Variants in CDC42BPG observed in about 807,000 individuals in gnomAD.
The protein encoded by CDC42BPG is CDC42 binding protein kinase gamma.
CDC42BPG carries 157 observed loss-of-function variants against 192.2 expected under a neutral mutation model. The ratio of observed to expected loss-of-function variants is 0.82; its 90% confidence interval spans 0.72 to 0.93. The LOEUF (loss-of-function observed/expected upper bound fraction) is 0.93, where lower values mean the gene tolerates loss of function less well. Ranked by LOEUF, CDC42BPG falls within the 40% of genes least tolerant of loss-of-function variation. The probability of loss-of-function intolerance (pLI) is 0.00; values close to 1 mark genes in which losing one functional copy is unlikely to be tolerated. For synonymous variants in CDC42BPG, 981 were observed against 918.5 expected (o/e 1.07, Z -1.23); for missense variants, 1,992 against 2,122.1 (o/e 0.94, Z 1.20).
At position 64,826,463 on chromosome 11, in the gene CDC42BPG, C is replaced by G. The variant is rs1196354340; in HGVS notation, c.4599+7G>C. ...AGGGGACGGACAAGCCTCCCGGACCCGCTCACCTGCATTAGGGAGGTTGCA... is the reference window on the plus strand; with the variant it reads ...AGGGGACGGACAAGCCTCCCGGACCGGCTCACCTGCATTAGGGAGGTTGCA... On this transcript the variant is annotated splice_region_variant and intron_variant, in intron 36 of 36. Transcript: ENST00000342711. 6.3e-7 allele frequency: 1 copy of G among 1,587,070 alleles called. No individual in the cohort carries two copies. The highest frequency in any genetic ancestry group is 1.8e-5 in the Admixed American group (1 of 56,228).
intron 9 of CDC42BPG, 27 bp from the exon 10 acceptor site, chr11:64,837,046 T>C (rs1297576196): frequency 6.3e-7 from 1 of 1,575,802 alleles, no homozygotes; most frequent in Admixed American, 1.7e-5. Flanking sequence ...GCCATGTTTG[T>C]TGGTAGAAAC....
intron 8 of CDC42BPG, 134 bp downstream of exon 8, chr11:64,838,520 G>A: frequency 8.1e-7 from 1 of 1,240,350 alleles, no homozygotes; most frequent in Admixed American, 2.0e-5. Flanking sequence ...GTCAGTCTGG[G>A]AGTCCATAAA....
chr11:64,834,972 G>A lies in CDC42BPG; in HGVS notation c.2061-9C>T, dbSNP rs760144695. On this transcript the variant is annotated splice_polypyrimidine_tract_variant and intron_variant, in intron 17 of 36. Coordinates refer to ENST00000342711, the MANE Select transcript of CDC42BPG (RefSeq NM_017525.3). ...CCTTCTCATCATTCACCCTGAATGG[G>A]AAGGGGCTCAGGGTCATGGGCTGGG... 1.9e-6 allele frequency: 3 copies of A among 1,613,572 alleles called. No homozygotes were observed. Among genetic ancestry groups the A allele is most frequent in the Non-Finnish European group, 2.5e-6 (3 of 1,179,710 alleles).
rs561793354 is a variant in CDC42BPG at position 64,834,597 on chromosome 11, C to T, written c.2176-20G>A. 2.9e-5 allele frequency: 44 copies of T among 1,531,920 alleles called. No individual in the cohort carries two copies. The highest frequency in any genetic ancestry group is 2.2e-4 in the South Asian group (18 of 80,030). 94.9% of individuals were successfully genotyped at this position (1,531,920 alleles called of 1,614,324 possible). On this transcript the variant is annotated intron_variant, in intron 18 of 36. Coordinates refer to ENST00000342711, the MANE Select transcript of CDC42BPG (RefSeq NM_017525.3). ...GTGGTCCTGGTGGCCACGGAGCACC[C>T]GTATAAGATGCTTTCTAGGCCTGGC...
rs758820833 is a variant in CDC42BPG at position 64,829,470 on chromosome 11, C to T, written c.3967+1G>A. ...CCTGCCAAGCCCTCAGCAGGCCTTACCCCAGCCCATGGGCGCTGCTGGCCA... is the reference window on the plus strand; with the variant it reads ...CCTGCCAAGCCCTCAGCAGGCCTTATCCCAGCCCATGGGCGCTGCTGGCCA... On this transcript the variant is annotated splice_donor_variant, in intron 30 of 36. Coordinates refer to ENST00000342711, the MANE Select transcript of CDC42BPG (RefSeq NM_017525.3). LOFTEE classifies it high-confidence loss of function. The T allele has an allele frequency of 1.9e-6, 3 of 1,612,438 alleles. No homozygotes were observed. The highest frequency in any genetic ancestry group is 1.7e-6 in the Non-Finnish European group (2 of 1,179,762).
At chr11:64,832,343 A>G in intron 27 of CDC42BPG, 85 bp downstream of exon 27, 1 of 1,362,904 alleles carries the variant, frequency 7.3e-7, no homozygotes, top group Non-Finnish European at 1.0e-6. Flanking sequence ...CCAAGAGGGC[A>G]GTATGAAGTG....
In CDC42BPG at chr11:64,836,711, G is replaced by GGGGGT. The variant is rs1555173141; in HGVS notation, c.1384+27_1384+28insACCCC. 6.6e-6 allele frequency: 4 copies of GGGGGT among 608,648 alleles called. 1 individual carries two copies. Among genetic ancestry groups the GGGGGT allele is most frequent in the Non-Finnish European group, 9.8e-6 (4 of 406,100 alleles). 37.7% of individuals were successfully genotyped at this position (608,648 alleles called of 1,614,324 possible). Reference sequence around the variant, plus strand: ...GCCCAGGTGGGACTCAGCCCTGGGGGGGGGGGGGGGGTGGGCGGAAGGGAT... The same window carrying GGGGGT: ...GCCCAGGTGGGACTCAGCCCTGGGGGGGGGTGGGGGGGGGGGTGGGCGGAAGGGAT... On this transcript the variant is annotated intron_variant, in intron 11 of 36. Coordinates refer to ENST00000342711, the MANE Select transcript of CDC42BPG (RefSeq NM_017525.3).
At chr11:64,838,237 G>T (rs1943112131) in intron 8 of CDC42BPG, 75 bp from the exon 9 acceptor site, 1 of 1,116,942 alleles carries the variant, frequency 9.0e-7, no homozygotes, top group South Asian at 1.5e-5. Flanking sequence ...AGCCCCCTGG[G>T]ACCAGGTGCG....
At chr11:64,828,471 T>C (rs2136255397) in intron 30 of CDC42BPG, among the ~76,000 whole-genome samples, 1 of 152,170 alleles carries the variant, frequency 6.6e-6, no homozygotes. Flanking sequence ...GGAGAGAGAG[T>C]GGGGCAAAGA....
chr11:64,842,704 C>T (rs1943332974), intron 1 of CDC42BPG, among the ~76,000 whole-genome samples: 1 of 152,182 alleles, frequency 6.6e-6, no homozygotes, highest in Admixed American at 6.5e-5. Flanking sequence ...CAGATACCTC[C>T]AGGAAGGGCA....
rs769186627 is a variant in CDC42BPG, at chr11:64,835,497, C to T, written c.1880+3G>A. The T allele has an allele frequency of 3.7e-6, 6 of 1,604,030 alleles. No individual in the cohort carries two copies. In the South Asian group the frequency reaches 4.4e-5, roughly 12 times the overall value. The stretch of plus-strand genomic sequence containing the variant: ...CCTCCCTGCCACCAGCTGCCTGGCT[C>T]ACCTGTGGCTGTGGGCCTGCTCCAG... On this transcript the variant is annotated splice_donor_region_variant and intron_variant, in intron 15 of 36. Coordinates refer to ENST00000342711, the MANE Select transcript of CDC42BPG (RefSeq NM_017525.3).
chr11:64,830,592 AG>A (rs1320366514), intron 28 of CDC42BPG: 1 of 413,134 alleles, frequency 2.4e-6, no homozygotes, highest in African/African-American at 2.0e-5. Flanking sequence ...GGTTCAGCAG[AG>A]CCCCTTGCTC....
chr11:64,839,045 G>A lies in CDC42BPG; in HGVS notation c.864C>T (p.Ile288=), dbSNP rs1440397039. 6.2e-7 allele frequency: 1 copy of A among 1,613,614 alleles called. No individual in the cohort carries two copies. Among genetic ancestry groups the A allele is most frequent in the South Asian group, 1.1e-5 (1 of 91,084 alleles). ...AESLVETYGK[I]MNHEDHLQFP... ...CTGGTGTCCAGACCTCGTGGTTCAT[G>A]ATCTTGCCGTAGGTTTCCACCAAGG... Residue 288 remains isoleucine (I), a synonymous_variant, in exon 7 of 37, where the codon ATC becomes ATT. Transcript: ENST00000342711.
At position 64,827,146 on chromosome 11, in the gene CDC42BPG, A is replaced by C. The variant is rs779342549; in HGVS notation, c.4293T>G (p.Phe1431Leu). The change falls in exon 34 of 37, where the codon TTT (phenylalanine) becomes TTG (leucine). Residue 1431 changes from phenylalanine (F) to leucine (L), a missense_variant. Physicochemically the swap from Phe to Leu is conservative, Grantham distance 22. Transcript: ENST00000342711. The part of the protein sequence containing the change: ...QQRREMLKDP[F>L]VRSKLISPPT... ...GCGGCGAGATGAGCTTGGAGCGCAC[A>C]AAAGGGTCCTTCAGCATCTCCCTGT... is the stretch of plus-strand genomic sequence containing the variant. 1 of 1,614,022 alleles carries C rather than the reference A, an allele frequency of 6.2e-7. No homozygotes were observed. The highest frequency in any genetic ancestry group is 8.5e-7 in the Non-Finnish European group (1 of 1,179,932).
In CDC42BPG at chr11:64,834,903, C is replaced by G; in HGVS notation, c.2121G>C (p.Glu707Asp). 6.2e-7 allele frequency: 1 copy of G among 1,614,136 alleles called. No homozygotes were observed. Among genetic ancestry groups the G allele is most frequent in the South Asian group, 1.1e-5 (1 of 91,082 alleles). The change falls in exon 18 of 37, where the codon GAG (glutamate) becomes GAC (aspartate). Residue 707 changes from glutamate to aspartate, a missense_variant. Around this residue, in one of 2 missense-constraint regions of CDC42BPG, gnomAD observed 1,656 missense variants for 1,844.3 expected, o/e 0.90. Coordinates refer to ENST00000342711, the MANE Select transcript of CDC42BPG (RefSeq NM_017525.3). ...CTACGTTCCTCAAGGACTCCAGCTC[C>G]TCTGCCATCTTGGTGGCCAGGGCCT... ...YLQALATKMA[E>D]ELESLRNVGT...
rs368155689 is a variant in CDC42BPG, at chr11:64,827,675, C to A, written c.4065+11G>T. 4 of 1,607,982 alleles carry A rather than the reference C, an allele frequency of 2.5e-6. No homozygotes were observed. The highest frequency in any genetic ancestry group is 3.4e-6 in the Non-Finnish European group (4 of 1,175,922). On this transcript the variant is annotated intron_variant, in intron 31 of 36. Coordinates refer to ENST00000342711, the MANE Select transcript of CDC42BPG (RefSeq NM_017525.3). ...CCCCGGCGCTACCCCAGGGCTCTGG[C>A]GGACCCTCACCTTCTTGAGCGGCAC...
chr11:64,826,418 G>C, intron 36 of CDC42BPG, 52 bp downstream of exon 36: 1 of 1,312,554 alleles, frequency 7.6e-7, no homozygotes, highest in Non-Finnish European at 1.1e-6. Flanking sequence ...GCATAAAACG[G>C]AACTGCCTGA....
Position 64,844,478 on chromosome 11 carries a change from G to T in CDC42BPG, c.92C>A (p.Ala31Glu). The change falls in exon 1 of 37, where the codon GCG (alanine) becomes GAG (glutamate). Residue 31 changes from alanine to glutamate, a missense_variant. Coordinates refer to ENST00000342711, the MANE Select transcript of CDC42BPG (RefSeq NM_017525.3). The stretch of plus-strand genomic sequence containing the variant: ...GCCGCTGCTGAGCTCGTGGTGCAGC[G>T]CCAGCAGCAGATCTAGGAGGCCGTC... ...GLDGLLDLLL[A>E]LHHELSSGPL... The T allele has an allele frequency of 6.9e-7, 1 of 1,444,356 alleles. No homozygotes were observed. The highest frequency in any genetic ancestry group is 9.1e-7 in the Non-Finnish European group (1 of 1,102,868). The allele number at this position is 1,444,356 out of a possible 1,614,324, so 89.5% of individuals were successfully genotyped here.
chr11:64,829,080 C>T (rs1290559128), intron 30 of CDC42BPG, among the ~76,000 whole-genome samples: 3 of 151,930 alleles, frequency 2.0e-5, no homozygotes, highest in Non-Finnish European at 2.9e-5. Flanking sequence ...ATTAGCCAGG[C>T]GTGATGGCAC....
Sources: gnomAD v4.1 joint callset for allele counts (sites outside exome capture counted in the v4.1 genomes callset) on GRCh38, gnomAD v4.1.1 for gene constraint, gnomAD v4.1.1 regional missense constraint, MANE v1.5 for transcripts, NCBI Gene and HGNC (gene_info 2026-07-23, HGNC 2026-07-21) for gene names.